Variants in MED15 observed in about 807,000 individuals in gnomAD.
The protein encoded by MED15 is mediator complex subunit 15.
In MED15, 41 loss-of-function variants were observed where a neutral mutation model predicts 118.7. That is an observed-to-expected ratio of 0.35 (90% CI 0.27 to 0.45). MED15 has a LOEUF of 0.45. MED15 is among the 20% of genes least tolerant of loss of function. The probability of loss-of-function intolerance (pLI) is 1.00; values close to 1 mark genes in which losing one functional copy is unlikely to be tolerated. For synonymous variants in MED15, 436 were observed against 413.9 expected, an observed-to-expected ratio of 1.05 and a Z score of -0.65; for missense variants, 740 against 1,025.5, an observed-to-expected ratio of 0.72 and a Z score of 3.80.
At chr22:20,529,069 T>A (rs150424920) in intron 1 of MED15, among the ~76,000 whole-genome samples, 22 of 152,306 alleles carry the variant, frequency 1.4e-4, no homozygotes, top group Non-Finnish European at 2.6e-4. Context: ...GGTTTCTTGG[T>A]CCTCTTGCTG....
intron 7 of MED15, among the ~76,000 whole-genome samples, chr22:20,567,990 T>C (rs1314760188): frequency 6.6e-6 from 1 of 152,232 alleles, no homozygotes; most frequent in East Asian, 1.9e-4. Flanking sequence ...CAGGTGTGCA[T>C]CCCCACACCT....
chr22:20,582,584 G>C (rs992727919), intron 9 of MED15, 27 bp from the exon 10 acceptor site: 1 of 1,537,196 alleles, frequency 6.5e-7, no homozygotes, highest in Admixed American at 2.0e-5. Flanking sequence ...GTGTGGCAGC[G>C]CGCCGGCTGA....
chr22:20,538,366 C>T (rs908890209), intron 2 of MED15, among the ~76,000 whole-genome samples: 1 of 152,074 alleles, frequency 6.6e-6, no homozygotes, highest in African/African-American at 2.4e-5. Context: ...CCTCCTTTCT[C>T]AGTCTTCTGA....
At chr22:20,553,389 C>T (rs1350366508) in intron 4 of MED15, among the ~76,000 whole-genome samples, 2 of 152,200 alleles carry the variant, frequency 1.3e-5, no homozygotes, top group Non-Finnish European at 2.9e-5. Flanking sequence ...TCCTCCCCAT[C>T]CCGTTTCACA....
chr22:20,526,324 C>T (rs756908739), intron 1 of MED15, among the ~76,000 whole-genome samples: 23 of 152,166 alleles, frequency 1.5e-4, no homozygotes, highest in African/African-American at 5.1e-4. Flanking sequence ...AGCTTTCTTC[C>T]GGCATATACC....
intron 17 of MED15, 86 bp downstream of exon 17, chr22:20,585,912 G>C: frequency 7.9e-7 from 1 of 1,268,960 alleles, no homozygotes. Flanking sequence ...AGCAGGGACA[G>C]CCTCTGTGTG....
chr22:20,564,245 G>A (rs759373757), intron 5 of MED15, among the ~76,000 whole-genome samples: 18 of 152,168 alleles, frequency 1.2e-4, no homozygotes, highest in Non-Finnish European at 1.9e-4. Flanking sequence ...TTATTATAGA[G>A]TAACTCATGA....
chr22:20,575,768 CAAA>C (rs61090860), intron 9 of MED15, among the ~76,000 whole-genome samples: 1 of 146,630 alleles, frequency 6.8e-6, no homozygotes, highest in Non-Finnish European at 1.5e-5. Flanking sequence ...ATTTTAAAAA[CAAA>C]AAAAAAACCT....
At chr22:20,557,933 C>T (rs1055566291) in intron 5 of MED15, among the ~76,000 whole-genome samples, 83 of 152,098 alleles carry the variant, frequency 5.5e-4, no homozygotes, top group Non-Finnish European at 9.3e-4. Flanking sequence ...GGTGAGACCC[C>T]GTCTCTACTA....
intron 8 of MED15, chr22:20,574,838 TGAG>T: frequency 2.2e-6 from 1 of 444,928 alleles, no homozygotes; most frequent in Non-Finnish European, 4.2e-6. Context: ...AGAAGTGTGT[TGAG>T]GACACCAGTG....
intron 7 of MED15, among the ~76,000 whole-genome samples, chr22:20,568,241 C>T (rs2056513862): frequency 6.8e-6 from 1 of 147,074 alleles, no homozygotes; most frequent in Admixed American, 6.9e-5. Context: ...GCAGGCTAGG[C>T]TGTAAGCTCT....
chr22:20,575,517 T>C (rs1473809291), intron 9 of MED15, among the ~76,000 whole-genome samples: 1 of 152,096 alleles, frequency 6.6e-6, no homozygotes, highest in African/African-American at 2.4e-5. Flanking sequence ...AGTTTTGCTT[T>C]CTAGAGCTGT....
At chr22:20,546,290 G>T (rs4821967) in intron 2 of MED15, among the ~76,000 whole-genome samples, 84,999 of 151,826 alleles carry the variant, frequency 0.56, 24,100 homozygotes, top group Admixed American at 0.69. Context: ...AGCAGAGAGG[G>T]TGCCGTGGTC....
At chr22:20,510,138 G>T (rs1035590501) in intron 1 of MED15, among the ~76,000 whole-genome samples, 11 of 152,118 alleles carry the variant, frequency 7.2e-5, no homozygotes, top group Admixed American at 6.5e-4. Context: ...TGTAATCCCA[G>T]CACTTTGGGA....
chr22:20,572,318 T>C (rs2056690579), intron 8 of MED15, among the ~76,000 whole-genome samples: 1 of 152,236 alleles, frequency 6.6e-6, no homozygotes, highest in South Asian at 2.1e-4. Context: ...TGCCGCGTGC[T>C]GCGGAAACAG....
chr22:20,554,950 C>T lies in MED15; in HGVS notation c.253C>T (p.Leu85Phe). The T allele has an allele frequency of 6.2e-7, 1 of 1,606,478 alleles. No homozygotes were observed. Among genetic ancestry groups the T allele is most frequent in the South Asian group, 1.1e-5 (1 of 90,614 alleles). The change falls in exon 5 of 18, where the codon CTC becomes TTC. Residue 85 changes from leucine (L) to phenylalanine (F), a missense_variant. Physicochemically the swap from Leu to Phe is conservative, Grantham distance 22 (BLOSUM62 0). Transcript: ENST00000263205. ...QASVSDPMNALQSLTGGPAAG... is the reference protein window; with the variant it reads ...QASVSDPMNAFQSLTGGPAAG... Reference sequence around the variant, plus strand: ...TGTTCCCACAGATCCTATGAATGCACTCCAGAGCCTGACTGGCGGACCTGC... The same window carrying T: ...TGTTCCCACAGATCCTATGAATGCATTCCAGAGCCTGACTGGCGGACCTGC...
At chr22:20,548,833 G>T (rs921440658) in intron 2 of MED15, among the ~76,000 whole-genome samples, 3 of 151,944 alleles carry the variant, frequency 2.0e-5, no homozygotes, top group African/African-American at 7.3e-5. Context: ...TTGAGGTGGG[G>T]TCTCACTCTG....
chr22:20,583,027 T>C, intron 11 of MED15, 60 bp downstream of exon 11: 1 of 1,579,296 alleles, frequency 6.3e-7, no homozygotes, highest in South Asian at 1.1e-5. Context: ...CAGCTCATAC[T>C]GGGTGTGCGA....
intron 2 of MED15, among the ~76,000 whole-genome samples, chr22:20,550,022 A>G (rs2055706708): frequency 6.6e-6 from 1 of 152,188 alleles, no homozygotes; most frequent in Non-Finnish European, 1.5e-5. Flanking sequence ...AAACAAATTC[A>G]TTTAAAGTAT....
Sources: gnomAD v4.1 joint callset for allele counts (sites outside exome capture counted in the v4.1 genomes callset) on GRCh38, gnomAD v4.1.1 for gene constraint, MANE v1.5 for transcripts, NCBI Gene and HGNC (gene_info 2026-07-23, HGNC 2026-07-21) for gene names.